ARHGEF10L: variants seen among roughly 807,000 people sequenced by gnomAD.
ARHGEF10L encodes rho guanine nucleotide exchange factor 10-like protein.
A neutral mutation model predicts 141.2 loss-of-function variants in ARHGEF10L; 69 were observed. The observed-to-expected ratio is 0.49, with a 90% CI of 0.40 to 0.60. The LOEUF (loss-of-function observed/expected upper bound fraction) is 0.60, where lower values mean the gene tolerates loss of function less well. Among genes scored for constraint, ARHGEF10L ranks in the 20% least tolerant of loss-of-function variants. The probability of loss-of-function intolerance (pLI) is 0.00; values close to 1 mark genes in which losing one functional copy is unlikely to be tolerated. For synonymous variants in ARHGEF10L, 711 were observed against 718.5 expected (o/e 0.99, Z 0.17); for missense variants, 1,482 against 1,734.3 (o/e 0.85, Z 2.58).
At chr1:17,517,524 G>T in the ARHGEF10L span, among the ~76,000 whole-genome samples, 1 of 151,838 alleles carries the variant, frequency 6.6e-6, no homozygotes, top group East Asian at 1.9e-4. Flanking sequence ...TGTTGCCCAG[G>T]CTGGTCTCAA....
intron 7 of ARHGEF10L, among the ~76,000 whole-genome samples, chr1:17,611,533 T>TATCC (rs56751222): frequency 0.093 from 13,945 of 150,732 alleles, 1,006 homozygotes; most frequent in African/African-American, 0.2. Context: ...TCTGTCTGTA[T>TATCC]ATCCATCCAT....
chr1:17,640,009 C>T (rs1006106403), intron 20 of ARHGEF10L, 193 bp from the exon 21 acceptor site: 60 of 1,470,196 alleles, frequency 4.1e-5, no homozygotes, highest in Admixed American at 1.8e-4. Context: ...TCATTGTGGG[C>T]GGAGGGATTC....
intron 1 of ARHGEF10L, among the ~76,000 whole-genome samples, chr1:17,571,195 G>T (rs2100353489): frequency 6.6e-6 from 1 of 152,244 alleles, no homozygotes. Context: ...CCTGGAGGGA[G>T]GAAGGAGGAG....
At chr1:17,536,959 T>C (rs911750586), upstream of ARHGEF10L, among the ~76,000 whole-genome samples, 1 of 152,114 alleles carries the variant, frequency 6.6e-6, no homozygotes, top group African/African-American at 2.4e-5. Context: ...AGCCTCAAAC[T>C]CCTGGGCTCA....
At position 17,621,998 on chromosome 1, in the gene ARHGEF10L, G is replaced by A; in HGVS notation, c.1020+57G>A. ...GGGGAGAAGCAGGGAGGGCCCTGGA[G>A]GGTAACTTTATACGGAGTGTTTGGG... On this transcript the variant is annotated intron_variant, in intron 11 of 28. Coordinates refer to ENST00000361221, the MANE Select transcript of ARHGEF10L (RefSeq NM_018125.4). This position sits in a 1 kb window ranked among gnomAD's most constrained non-coding sequence, Gnocchi z 4.1. 3.6e-5 allele frequency: 57 copies of A among 1,586,974 alleles called. 1 individual carries two copies. In the South Asian group the frequency reaches 6.2e-4, roughly 17 times the overall value.
At chr1:17,665,808 C>T (rs184568670) in intron 26 of ARHGEF10L, among the ~76,000 whole-genome samples, 3 of 152,242 alleles carry the variant, frequency 2.0e-5, no homozygotes, top group Admixed American at 6.5e-5. Context: ...TATAAAGAGT[C>T]GGCTCATGGG....
intron 27 of ARHGEF10L, among the ~76,000 whole-genome samples, chr1:17,690,556 G>A (rs901129568): frequency 6.6e-6 from 1 of 152,268 alleles, no homozygotes; most frequent in Non-Finnish European, 1.5e-5. Context: ...AGCTGCATCA[G>A]TGCAGACAGA....
Position 17,539,759 on chromosome 1 carries a change from C to A in ARHGEF10L, c.-235C>A, listed in dbSNP as rs915993516. The A allele has an allele frequency of 6.8e-6, 1 of 146,274 alleles. No homozygotes were observed. Among genetic ancestry groups the A allele is most frequent in the South Asian group, 1.8e-4 (1 of 5,432 alleles). 9.1% of individuals were successfully genotyped at this position (146,274 alleles called of 1,614,324 possible). ...GGAGCGCGGCGGGCGCGGGCGCAGT[C>A]CCGGCGGGCCCGGACCTCGCGGGCG... On this transcript the variant is annotated 5_prime_UTR_variant, in exon 1 of 29. Coordinates refer to ENST00000361221, the MANE Select transcript of ARHGEF10L (RefSeq NM_018125.4). This position sits in a 1 kb window ranked among gnomAD's most constrained non-coding sequence, Gnocchi z 6.0.
intron 22 of ARHGEF10L, among the ~76,000 whole-genome samples, chr1:17,651,978 C>T (rs1435779319): frequency 6.6e-6 from 1 of 152,214 alleles, no homozygotes; most frequent in Non-Finnish European, 1.5e-5. Flanking sequence ...AGGCCCTGTC[C>T]AATTACTGCA....
intron 4 of ARHGEF10L, among the ~76,000 whole-genome samples, chr1:17,601,049 C>CAAAAAA (rs55806926): frequency 7.8e-5 from 4 of 51,140 alleles, no homozygotes; most frequent in East Asian, 5.9e-4. Flanking sequence ...GGCTCTGTCT[C>CAAAAAA]AAAAAAAAAA....
the ARHGEF10L span, among the ~76,000 whole-genome samples, chr1:17,528,744 A>G: frequency 6.6e-6 from 1 of 152,200 alleles, no homozygotes. Context: ...TCGGGGGATA[A>G]TAGTATAGCA....
At chr1:17,546,295 G>C (rs145888230) in intron 1 of ARHGEF10L, among the ~76,000 whole-genome samples, 12 of 152,252 alleles carry the variant, frequency 7.9e-5, no homozygotes, top group African/African-American at 2.4e-4. Flanking sequence ...GGGGTCTCCT[G>C]TTCTCCCCCC....
chr1:17,557,506 C>T (rs895435749), intron 1 of ARHGEF10L, among the ~76,000 whole-genome samples: 2 of 152,208 alleles, frequency 1.3e-5, no homozygotes, highest in African/African-American at 4.8e-5. Context: ...GTGTCCCAAA[C>T]CTGGCTGATT....
At position 17,654,728 on chromosome 1, in the gene ARHGEF10L, T is replaced by C. The variant is rs2062124933; in HGVS notation, c.2481+6T>C. On this transcript the variant is annotated splice_donor_region_variant and intron_variant, in intron 23 of 28. Transcript: ENST00000361221. The surrounding 1 kb of genome is among the most constrained non-coding windows in gnomAD (Gnocchi z 4.3). ...TTCCACAGGGCTACCTCTGGGTGAG[T>C]CACCCCCCTGCCCAGCTGGGCATTC... 6.2e-7 allele frequency: 1 copy of C among 1,613,032 alleles called. No homozygotes were observed. Among genetic ancestry groups the C allele is most frequent in the South Asian group, 1.1e-5 (1 of 91,066 alleles).
Position 17,615,417 on chromosome 1 carries a change from C to G in ARHGEF10L, c.727-677C>G, listed in dbSNP as rs1404580268. On this transcript the variant is annotated intron_variant, in intron 8 of 28. Transcript: ENST00000361221. The surrounding 1 kb of genome is among the most constrained non-coding windows in gnomAD (Gnocchi z 4.7). ...ACGCTCGTGTCCATGGATCCCCTCC[C>G]CACTGCCAGAGGAAGCTGCCTCTTC... The G allele has an allele frequency of 1.3e-5, 2 of 152,226 alleles. No individual in the cohort carries two copies. Among genetic ancestry groups the G allele is most frequent in the Non-Finnish European group, 2.9e-5 (2 of 68,066 alleles). 9.4% of individuals were successfully genotyped at this position (152,226 alleles called of 1,614,324 possible).
chr1:17,621,866 G>A lies in ARHGEF10L; in HGVS notation c.945G>A (p.Val315=). The part of the protein sequence containing the change: ...PMPEGLSPQQ[V]VRRHILGSIV... ...ACCGTGCTTTTTGGCCCGAGCAGGT[G>A]GTCCGGAGGCATATCCTGGGCTCCA... is the stretch of plus-strand genomic sequence containing the variant. Residue 315 remains valine, a splice_region_variant and synonymous_variant, in exon 11 of 29, where the codon GTG becomes GTA. Transcript: ENST00000361221. This position sits in a 1 kb window ranked among gnomAD's most constrained non-coding sequence, Gnocchi z 4.1. 1 of 1,614,148 alleles carries A rather than the reference G, an allele frequency of 6.2e-7. No individual in the cohort carries two copies. Among genetic ancestry groups the A allele is most frequent in the Non-Finnish European group, 8.5e-7 (1 of 1,180,028 alleles).
chr1:17,543,630 T>TTA (rs971161389), intron 1 of ARHGEF10L, among the ~76,000 whole-genome samples: 8 of 151,974 alleles, frequency 5.3e-5, no homozygotes, highest in East Asian at 1.9e-4. Flanking sequence ...ATTAAGTAAA[T>TTA]TATATATATA....
chr1:17,611,667 T>A (rs2059557129), intron 7 of ARHGEF10L, among the ~76,000 whole-genome samples: 1 of 152,212 alleles, frequency 6.6e-6, no homozygotes, highest in South Asian at 2.1e-4. Context: ...TAATAAGCTC[T>A]GGGCTTTGCA....
chr1:17,616,612 C>A (rs375251071), intron 9 of ARHGEF10L, among the ~76,000 whole-genome samples: 31 of 152,258 alleles, frequency 2.0e-4, no homozygotes, highest in African/African-American at 7.2e-4. Context: ...GCCTGTGCTG[C>A]ATGCAGGGAC....
Sources: allele counts gnomAD v4.1 joint callset (sites outside exome capture counted in the v4.1 genomes callset), GRCh38; gene constraint gnomAD v4.1.1; non-coding constraint Gnocchi (gnomAD v3.1); transcripts MANE v1.5; gene names NCBI Gene and HGNC (gene_info 2026-07-23, HGNC 2026-07-21).